NSUN6: variants seen among roughly 807,000 people sequenced by gnomAD.
The protein encoded by NSUN6 is tRNA (cytosine(72)-C(5))-methyltransferase NSUN6.
In NSUN6, 64 loss-of-function variants were observed where a neutral mutation model predicts 58.0. The observed-to-expected ratio is 1.10, with a 90% CI of 0.90 to 1.36. The LOEUF (loss-of-function observed/expected upper bound fraction) is 1.36, where lower values mean the gene tolerates loss of function less well. NSUN6 is among the 40% of genes most tolerant of loss of function. The probability of loss-of-function intolerance (pLI) is 0.00; values close to 1 mark genes in which losing one functional copy is unlikely to be tolerated. For synonymous variants in NSUN6, 231 were observed against 193.9 expected (o/e 1.19, Z -1.59); for missense variants, 701 against 550.1 (o/e 1.27, Z -2.74).
rs147735124 is a variant in NSUN6 at position 18,553,115 on chromosome 10, C to T, written c.923-1144G>A. Among the ~76,000 whole-genome samples the T allele has an allele frequency of 5.3e-5, 8 of 151,510 alleles. No homozygotes were observed. The East Asian group carries it at 7.9e-4, about 15-fold the overall frequency. On this transcript the variant is annotated intron_variant, in intron 8 of 10. Coordinates refer to ENST00000377304, the MANE Select transcript of NSUN6 (RefSeq NM_182543.5). ...TTCGATTCCATTCTCCATTCCATTC[C>T]GTTCGATTCTCCATTCCATTCCATT...
Position 18,546,035 on chromosome 10 carries a change from C to G in NSUN6, c.1308G>C (p.Met436Ile). Residue 436 changes from methionine (M) to isoleucine (I), a missense_variant, in exon 11 of 11, where the codon ATG becomes ATC. Physicochemically the swap from Met to Ile is conservative, Grantham distance 10. Coordinates refer to ENST00000377304, the MANE Select transcript of NSUN6 (RefSeq NM_182543.5). ...CTCTTCTGGCCTCTCTAAGAGAGTC[C>G]ATGTCAGTGTCCGGTAATGGCACAG... ...PSAVPLPDTD[M>I]DSLREARRED... The G allele has an allele frequency of 6.2e-7, 1 of 1,600,298 alleles. No homozygotes were observed. The highest frequency in any genetic ancestry group is 8.5e-7 in the Non-Finnish European group (1 of 1,175,034).
upstream of NSUN6, chr10:18,651,766 T>A (rs547196204): frequency 6.1e-6 from 6 of 985,504 alleles, no homozygotes; most frequent in South Asian, 2.3e-4. Context: ...GTGAGGCTCT[T>A]TCACCTGCCT....
chr10:18,629,845 C>T lies in NSUN6; in HGVS notation c.311+12631G>A, dbSNP rs1231319064. Among the ~76,000 whole-genome samples, 437 of 148,142 alleles carry T rather than the reference C, an allele frequency of 2.9e-3. 1 individual carries two copies. The highest frequency in any genetic ancestry group is 9.8e-3 in the African/African-American group (393 of 40,132). ...CCACTGTCAACATTACACAGATCAA[C>T]GAGACAGAAAGTCAACAAGGATACC... On this transcript the variant is annotated intron_variant, in intron 3 of 10. Coordinates refer to ENST00000377304, the MANE Select transcript of NSUN6 (RefSeq NM_182543.5).
intron 3 of NSUN6, among the ~76,000 whole-genome samples, chr10:18,616,508 A>G (rs1010455167): frequency 4.6e-5 from 7 of 152,210 alleles, no homozygotes; most frequent in African/African-American, 9.6e-5. Context: ...CAAGAGGTCC[A>G]TCTGCTGGAA....
At chr10:18,625,373 G>A (rs905841607) in intron 3 of NSUN6, among the ~76,000 whole-genome samples, 12 of 152,054 alleles carry the variant, frequency 7.9e-5, no homozygotes, top group Admixed American at 5.9e-4. Context: ...AAGAAATAAT[G>A]GAAGACCTAT....
At chr10:18,628,790 A>G (rs1322320864) in intron 3 of NSUN6, among the ~76,000 whole-genome samples, 1 of 152,228 alleles carries the variant, frequency 6.6e-6, no homozygotes, top group East Asian at 1.9e-4. Flanking sequence ...GGTGTACCAG[A>G]AAGTGACGGG....
intron 3 of NSUN6, among the ~76,000 whole-genome samples, chr10:18,627,470 G>A (rs1025280857): frequency 5.3e-5 from 8 of 152,158 alleles, no homozygotes; most frequent in African/African-American, 1.4e-4. Flanking sequence ...CGCAGAAGAC[G>A]GGTGATTTCT....
In NSUN6 at chr10:18,581,241, G is replaced by A. The variant is rs1314754574; in HGVS notation, c.922+4708C>T. ...TGAGACCTACTGGGCTGCATTCCCA[G>A]TAAGTTAAGGCATTCTTAGTCACAG... On this transcript the variant is annotated intron_variant, in intron 8 of 10. Coordinates refer to ENST00000377304, the MANE Select transcript of NSUN6 (RefSeq NM_182543.5). Among the ~76,000 whole-genome samples, 3 of 152,134 alleles carry A rather than the reference G, an allele frequency of 2.0e-5. No homozygotes were observed. The East Asian group carries it at 5.8e-4, about 29-fold the overall frequency.
At chr10:18,547,825 G>A (rs1260443019) in intron 10 of NSUN6, among the ~76,000 whole-genome samples, 2 of 152,004 alleles carry the variant, frequency 1.3e-5, no homozygotes, top group Non-Finnish European at 2.9e-5. Context: ...TTAGAAAAAA[G>A]GTGCCGAGTA....
chr10:18,625,720 TAAAAAAAAAAAAA>T (rs71402188), intron 3 of NSUN6, among the ~76,000 whole-genome samples: 14 of 53,810 alleles, frequency 2.6e-4, no homozygotes, highest in East Asian at 9.6e-4. Flanking sequence ...GTTTTTTTTT[TAAAAAAAAAAAAA>T]AAAAAAAAAA....
At chr10:18,564,846 TTCTCCATTCCTGTCCATTCCATTCCAG>T (rs1167102088) in intron 8 of NSUN6, among the ~76,000 whole-genome samples, 2 of 151,150 alleles carry the variant, frequency 1.3e-5, no homozygotes, top group Non-Finnish European at 3.0e-5. Flanking sequence ...TTCTATTCCA[TTCTCCATTCCTGTCCATTCCATTCCAG>T]TCTCCATTCC....
At chr10:18,563,223 G>C (rs1043124788) in intron 8 of NSUN6, among the ~76,000 whole-genome samples, 11 of 119,728 alleles carry the variant, frequency 9.2e-5, no homozygotes, top group Non-Finnish European at 1.8e-4. Context: ...GAATGGAATG[G>C]AGAATGGTAT....
At chr10:18,607,197 A>G (rs2058078098) in intron 6 of NSUN6, among the ~76,000 whole-genome samples, 1 of 152,208 alleles carries the variant, frequency 6.6e-6, no homozygotes, top group South Asian at 2.1e-4. Context: ...TAAGCATTCA[A>G]GTATGTTTGC....
At chr10:18,648,356 T>C in intron 2 of NSUN6, 134 bp downstream of exon 2, 1 of 556,026 alleles carries the variant, frequency 1.8e-6, no homozygotes, top group Non-Finnish European at 3.2e-6. Context: ...CTTTGAAGAA[T>C]TTACCATTCA....
At chr10:18,645,421 A>G (rs534194108) in intron 2 of NSUN6, among the ~76,000 whole-genome samples, 1 of 152,242 alleles carries the variant, frequency 6.6e-6, no homozygotes, top group East Asian at 1.9e-4. Flanking sequence ...TGGGTCCCAC[A>G]TCCTTTATCT....
At chr10:18,656,222 C>T (rs558680394), upstream of NSUN6, among the ~76,000 whole-genome samples, 1 of 152,084 alleles carries the variant, frequency 6.6e-6, no homozygotes, top group South Asian at 2.1e-4. Context: ...GGAGACTGAT[C>T]AACTAAACTA....
At chr10:18,623,203 T>A (rs2058671585) in intron 3 of NSUN6, among the ~76,000 whole-genome samples, 1 of 152,198 alleles carries the variant, frequency 6.6e-6, no homozygotes, top group African/African-American at 2.4e-5. Flanking sequence ...AACCAGTAAT[T>A]CAGTGATGCA....
intron 8 of NSUN6, among the ~76,000 whole-genome samples, chr10:18,566,378 A>G (rs1166469640): frequency 6.9e-6 from 1 of 145,508 alleles, no homozygotes; most frequent in Admixed American, 7.0e-5. Context: ...ATTCCATTCC[A>G]TTCTCCATTC....
chr10:18,553,632 G>C (rs2054765655), intron 8 of NSUN6, among the ~76,000 whole-genome samples: 1 of 151,612 alleles, frequency 6.6e-6, no homozygotes, highest in Non-Finnish European at 1.5e-5. Flanking sequence ...GAACGGAATG[G>C]AAGGAAGAAT....
Sources: allele counts gnomAD v4.1 joint callset (sites outside exome capture counted in the v4.1 genomes callset), GRCh38; gene constraint gnomAD v4.1.1; transcripts MANE v1.5; gene names NCBI Gene and HGNC (gene_info 2026-07-23, HGNC 2026-07-21).